The following PCSK2 variants were observed in gnomAD, a reference collection of about 807,000 sequenced individuals.
The protein encoded by PCSK2 is neuroendocrine convertase 2.
A neutral mutation model predicts 69.7 loss-of-function variants in PCSK2; 14 were observed. That is an observed-to-expected ratio of 0.20 (90% CI 0.13 to 0.31). PCSK2 has a LOEUF of 0.31. PCSK2 is among the 10% of genes least tolerant of loss of function. The pLI, the probability that PCSK2 is intolerant of heterozygous loss-of-function variation, is 1.00. For missense variants in PCSK2, 544 were observed against 842.5 expected (o/e 0.65, Z 4.39); for synonymous variants, 307 against 320.7 (o/e 0.96, Z 0.46).
intron 8 of PCSK2, 96 bp downstream of exon 8, chr20:17,436,979 G>A: frequency 9.1e-7 from 1 of 1,099,944 alleles, no homozygotes; most frequent in Non-Finnish European, 1.3e-6. Context: ...GTCACCCTGT[G>A]TGTGAGTCCA....
At position 17,409,295 on chromosome 20, in the gene PCSK2, C is replaced by T. The variant is rs775346093; in HGVS notation, c.576C>T (p.Asn192=). The T allele has an allele frequency of 1.2e-5, 19 of 1,613,890 alleles. No individual in the cohort carries two copies. Among genetic ancestry groups the T allele is most frequent in the South Asian group, 6.6e-5 (6 of 91,082 alleles). ...AAGCAAGTTACGACTTCAGCAGCAA[C>T]GACCCCTATCCTTACCCTCGGTACA... The part of the protein sequence containing the change: ...NAEASYDFSS[N]DPYPYPRYTD... The change falls in exon 6 of 12, where the codon AAC becomes AAT. Residue 192 remains asparagine, a synonymous_variant. Transcript: ENST00000262545.
intron 2 of PCSK2, among the ~76,000 whole-genome samples, chr20:17,313,762 C>T (rs1052270942): frequency 1.3e-5 from 2 of 152,178 alleles, no homozygotes; most frequent in South Asian, 2.1e-4. Flanking sequence ...AATGGAAGGA[C>T]GACATGAATG....
intron 6 of PCSK2, among the ~76,000 whole-genome samples, 162 bp downstream of exon 6, chr20:17,409,501 T>A (rs1453119284): frequency 6.6e-6 from 1 of 152,246 alleles, no homozygotes; most frequent in Non-Finnish European, 1.5e-5. Context: ...AAGTGAAATT[T>A]TTAATATTAC....
At chr20:17,437,430 G>A (rs2032506587) in intron 8 of PCSK2, among the ~76,000 whole-genome samples, 1 of 152,200 alleles carries the variant, frequency 6.6e-6, no homozygotes, top group Admixed American at 6.5e-5. Context: ...GCCTCCAAAG[G>A]GATGAGATGC....
At chr20:17,229,086 T>C (rs1657757611) in intron 1 of PCSK2, among the ~76,000 whole-genome samples, 1 of 151,576 alleles carries the variant, frequency 6.6e-6, no homozygotes, top group Non-Finnish European at 1.5e-5. Context: ...TAAAATATAA[T>C]AGTGATTATT....
chr20:17,336,805 G>A (rs1032853159), intron 2 of PCSK2, among the ~76,000 whole-genome samples: 2 of 152,130 alleles, frequency 1.3e-5, no homozygotes, highest in Admixed American at 6.5e-5. Flanking sequence ...GAAGAGGGTC[G>A]ACTGAAAGCT....
At chr20:17,406,526 A>G (rs2031753638) in intron 5 of PCSK2, among the ~76,000 whole-genome samples, 2 of 152,206 alleles carry the variant, frequency 1.3e-5, no homozygotes, top group South Asian at 4.1e-4. Flanking sequence ...TTCTTGTTAT[A>G]AAAGTGGTTG....
intron 2 of PCSK2, among the ~76,000 whole-genome samples, chr20:17,269,455 T>C (rs1008262207): frequency 6.6e-6 from 1 of 152,210 alleles, no homozygotes; most frequent in Admixed American, 6.5e-5. Context: ...CATTTTACCA[T>C]AGTAACTTGG....
chr20:17,312,976 C>T (rs2123115104), intron 2 of PCSK2, among the ~76,000 whole-genome samples: 1 of 152,264 alleles, frequency 6.6e-6, no homozygotes, highest in East Asian at 1.9e-4. Context: ...GCATCTTCCC[C>T]TCTGAATTCA....
intron 2 of PCSK2, among the ~76,000 whole-genome samples, chr20:17,353,866 A>G (rs1338466452): frequency 6.6e-6 from 1 of 152,248 alleles, no homozygotes; most frequent in Non-Finnish European, 1.5e-5. Flanking sequence ...ATGCAGATGG[A>G]GTTCATTATC....
At chr20:17,345,676 T>C (rs1283627551) in intron 2 of PCSK2, among the ~76,000 whole-genome samples, 1 of 152,078 alleles carries the variant, frequency 6.6e-6, no homozygotes, top group African/African-American at 2.4e-5. Context: ...CATGCACAAA[T>C]CAGAAGCAAA....
chr20:17,324,509 A>G (rs1340830977), intron 2 of PCSK2, among the ~76,000 whole-genome samples: 1 of 152,200 alleles, frequency 6.6e-6, no homozygotes, highest in Non-Finnish European at 1.5e-5. Context: ...GATGGGAACC[A>G]GGCTGATTTA....
intron 9 of PCSK2, 110 bp from the exon 10 acceptor site, chr20:17,456,238 C>CAATA (rs1555797074): frequency 1.9e-4 from 129 of 682,088 alleles, no homozygotes; most frequent in South Asian, 2.8e-4. Flanking sequence ...GAGGCTGTCT[C>CAATA]AATAAATAAA....
intron 2 of PCSK2, among the ~76,000 whole-genome samples, chr20:17,345,018 G>T (rs1990612920): frequency 6.6e-6 from 1 of 152,176 alleles, no homozygotes; most frequent in Non-Finnish European, 1.5e-5. Context: ...ACAAGTGTGG[G>T]TAAGTGATAA....
chr20:17,247,898 T>C (rs993013656), intron 1 of PCSK2, among the ~76,000 whole-genome samples: 1 of 152,058 alleles, frequency 6.6e-6, no homozygotes, highest in Non-Finnish European at 1.5e-5. Context: ...TTCAGAGAGG[T>C]GCTATAGCTT....
rs779095446 is a variant in PCSK2, at chr20:17,481,900, G to T, written c.1747G>T (p.Val583Leu). 2 of 1,613,926 alleles carry T rather than the reference G, an allele frequency of 1.2e-6. No individual in the cohort carries two copies. The highest frequency in any genetic ancestry group is 8.5e-7 in the Non-Finnish European group (1 of 1,180,024). Residue 583 changes from valine (V) to leucine (L), a missense_variant, in exon 12 of 12, where the codon GTG becomes TTG. By Grantham distance (32) the Val-to-Leu change is conservative (BLOSUM62 1). Transcript: ENST00000262545. ...GFVGSAPQKGVLKEWTLMLHG... is the reference protein window; with the variant it reads ...GFVGSAPQKGLLKEWTLMLHG... Reference sequence around the variant, plus strand: ...TGTCGGCAGCGCCCCGCAGAAGGGGGTGCTGAAGGAGTGGACCCTGATGCT... The same window carrying T: ...TGTCGGCAGCGCCCCGCAGAAGGGGTTGCTGAAGGAGTGGACCCTGATGCT...
chr20:17,396,293 C>A (rs2031509918), intron 5 of PCSK2, among the ~76,000 whole-genome samples: 1 of 152,154 alleles, frequency 6.6e-6, no homozygotes, highest in Admixed American at 6.5e-5. Flanking sequence ...TACTTTGAGC[C>A]AGCTACACTG....
At chr20:17,446,046 A>G (rs1186457366) in intron 8 of PCSK2, among the ~76,000 whole-genome samples, 5 of 152,174 alleles carry the variant, frequency 3.3e-5, no homozygotes, top group Non-Finnish European at 7.3e-5. Context: ...CTTTGGCGCT[A>G]TTAGTAGCGT....
intron 1 of PCSK2, among the ~76,000 whole-genome samples, chr20:17,244,730 T>C (rs1229708486): frequency 1.3e-5 from 2 of 152,198 alleles, no homozygotes; most frequent in African/African-American, 4.8e-5. Context: ...TCCCTTGATT[T>C]CCCTTCACCA....
Sources: gnomAD v4.1 joint callset for allele counts (sites outside exome capture counted in the v4.1 genomes callset) on GRCh38, gnomAD v4.1.1 for gene constraint, MANE v1.5 for transcripts, NCBI Gene and HGNC (gene_info 2026-07-23, HGNC 2026-07-21) for gene names.